The following RALYL variants were observed in gnomAD, a reference collection of about 807,000 sequenced individuals.
The protein encoded by RALYL is RALY RNA binding protein like.
RALYL carries 29 observed loss-of-function variants against 35.1 expected under a neutral mutation model. The observed-to-expected ratio is 0.83, with a 90% CI of 0.61 to 1.13. The LOEUF (loss-of-function observed/expected upper bound fraction) is 1.13, where lower values mean the gene tolerates loss of function less well. Ranked by LOEUF, RALYL falls within the 50% of genes most tolerant of loss-of-function variation. RALYL has a pLI of 0.00. For synonymous variants in RALYL, 120 were observed against 127.6 expected, an observed-to-expected ratio of 0.94 and a Z score of 0.40; for missense variants, 359 against 360.4, an observed-to-expected ratio of 1.00 and a Z score of 0.03.
At chr8:84,695,469 T>C (rs1016071215) in intron 2 of RALYL, among the ~76,000 whole-genome samples, 4 of 151,976 alleles carry the variant, frequency 2.6e-5, no homozygotes, top group African/African-American at 9.6e-5. Context: ...AGTGTCAGGG[T>C]ACTGGTTACA....
At chr8:84,393,034 A>G (rs1413362359) in intron 1 of RALYL, among the ~76,000 whole-genome samples, 3 of 152,098 alleles carry the variant, frequency 2.0e-5, no homozygotes, top group African/African-American at 7.2e-5. Flanking sequence ...AGGAAGTGTA[A>G]TTCATTATCC....
intron 1 of RALYL, among the ~76,000 whole-genome samples, chr8:84,402,451 G>A (rs2043008809): frequency 6.6e-6 from 1 of 151,964 alleles, no homozygotes; most frequent in Non-Finnish European, 1.5e-5. Flanking sequence ...TAGAAATAAA[G>A]GCAGCTTTCG....
chr8:84,721,432 A>G (rs539756938), intron 2 of RALYL, among the ~76,000 whole-genome samples: 6 of 152,244 alleles, frequency 3.9e-5, no homozygotes, highest in Admixed American at 3.9e-4. Context: ...CATATGCACA[A>G]TGTAATAGTT....
At position 84,877,344 on chromosome 8, in the gene RALYL, G is replaced by A. The variant is rs577281231; in HGVS notation, c.685+3947G>A. On this transcript the variant is annotated intron_variant, in intron 7 of 8. Transcript: ENST00000521268. Reference sequence around the variant, plus strand: ...TCTACGAAAAATACAAAAATTAGCCGGATGTGGTGGCACATGCCTGTAATC... The same window carrying A: ...TCTACGAAAAATACAAAAATTAGCCAGATGTGGTGGCACATGCCTGTAATC... Among the ~76,000 whole-genome samples the A allele has an allele frequency of 1.6e-4, 24 of 152,116 alleles. No homozygotes were observed. The East Asian group carries it at 3.1e-3, about 20-fold the overall frequency.
intron 1 of RALYL, among the ~76,000 whole-genome samples, chr8:84,469,036 T>C (rs2052243060): frequency 6.6e-6 from 1 of 151,988 alleles, no homozygotes; most frequent in South Asian, 2.1e-4. Flanking sequence ...ATTCTAGTTA[T>C]ACATTCTTCT....
At chr8:84,345,633 C>A (rs780674518) in intron 1 of RALYL, among the ~76,000 whole-genome samples, 8 of 152,058 alleles carry the variant, frequency 5.3e-5, no homozygotes, top group Non-Finnish European at 8.8e-5. Flanking sequence ...GACCCTCCAG[C>A]ATCTCCCTCT....
Position 84,244,892 on chromosome 8 carries a change from C to T in RALYL, c.-24+60468C>T, listed in dbSNP as rs200908675. Among the ~76,000 whole-genome samples, 5 of 152,202 alleles carry T rather than the reference C, an allele frequency of 3.3e-5. No individual in the cohort carries two copies. The East Asian group carries it at 5.8e-4, about 18-fold the overall frequency. ...TTTGCCAGATATGTAAACTATCATACATGCTGGCAGAAGACACAAGATTCC... is the reference window on the plus strand; with the variant it reads ...TTTGCCAGATATGTAAACTATCATATATGCTGGCAGAAGACACAAGATTCC... On this transcript the variant is annotated intron_variant, in intron 1 of 8. Coordinates refer to ENST00000521268, the MANE Select transcript of RALYL (RefSeq NM_173848.7).
At chr8:84,384,298 T>G (rs1858678011) in intron 1 of RALYL, among the ~76,000 whole-genome samples, 2 of 151,620 alleles carry the variant, frequency 1.3e-5, no homozygotes, top group South Asian at 4.2e-4. Flanking sequence ...CGAAAATCCT[T>G]TACAAATGCA....
intron 2 of RALYL, among the ~76,000 whole-genome samples, chr8:84,753,371 T>G (rs1810545625): frequency 6.6e-6 from 1 of 152,198 alleles, no homozygotes; most frequent in South Asian, 2.1e-4. Flanking sequence ...CTTTGGACCT[T>G]GGACTTTTGA....
intron 1 of RALYL, among the ~76,000 whole-genome samples, chr8:84,494,171 C>T (rs2134092978): frequency 6.6e-6 from 1 of 152,184 alleles, no homozygotes; most frequent in South Asian, 2.1e-4. Flanking sequence ...ATCCTTTCCC[C>T]ATTGCTTGTT....
chr8:84,244,648 GT>G (rs1828706142), intron 1 of RALYL, among the ~76,000 whole-genome samples: 1 of 152,064 alleles, frequency 6.6e-6, no homozygotes. Flanking sequence ...TGTCTTTGTT[GT>G]TAACCCAATT....
chr8:84,252,566 GA>G (rs1265105161), intron 1 of RALYL, among the ~76,000 whole-genome samples: 1 of 152,054 alleles, frequency 6.6e-6, no homozygotes, highest in Admixed American at 6.6e-5. Context: ...AGCTTGGATA[GA>G]AAAAAGAAAT....
chr8:84,633,749 G>A (rs1824434046), intron 2 of RALYL, among the ~76,000 whole-genome samples: 1 of 151,750 alleles, frequency 6.6e-6, no homozygotes, highest in Non-Finnish European at 1.5e-5. Flanking sequence ...TTCTAAATTA[G>A]GAAAAATGTG....
At chr8:84,294,335 T>G (rs1223729015) in intron 1 of RALYL, among the ~76,000 whole-genome samples, 4 of 152,116 alleles carry the variant, frequency 2.6e-5, no homozygotes, top group African/African-American at 9.7e-5. Context: ...AAAGTTATTT[T>G]TTTAAAAAGA....
intron 2 of RALYL, among the ~76,000 whole-genome samples, chr8:84,538,841 G>A (rs147442352): frequency 1.7e-3 from 252 of 152,196 alleles, no homozygotes; most frequent in African/African-American, 6.0e-3. Flanking sequence ...GGAAACTCAA[G>A]GCATTACGTA....
intron 1 of RALYL, among the ~76,000 whole-genome samples, chr8:84,380,556 C>A (rs577642681): frequency 6.6e-6 from 1 of 151,746 alleles, no homozygotes; most frequent in South Asian, 2.1e-4. Context: ...GAAAGAGAAA[C>A]GGGAAAGCTT....
chr8:84,391,716 C>T (rs1473280158), intron 1 of RALYL, among the ~76,000 whole-genome samples: 1 of 152,136 alleles, frequency 6.6e-6, no homozygotes, highest in Non-Finnish European at 1.5e-5. Context: ...AACTATTAGT[C>T]TTTACCCCCC....
intron 2 of RALYL, among the ~76,000 whole-genome samples, chr8:84,636,584 C>T (rs183182777): frequency 5.3e-4 from 81 of 151,876 alleles, no homozygotes; most frequent in Non-Finnish European, 9.9e-4. Context: ...CTATAATATA[C>T]TACCACAAGA....
chr8:84,291,141 G>T (rs1351328049), intron 1 of RALYL, among the ~76,000 whole-genome samples: 1 of 152,148 alleles, frequency 6.6e-6, no homozygotes, highest in African/African-American at 2.4e-5. Context: ...TGGAACATAG[G>T]CTTCATAAAA....
Sources: gnomAD v4.1 joint callset for allele counts (sites outside exome capture counted in the v4.1 genomes callset) on GRCh38, gnomAD v4.1.1 for gene constraint, MANE v1.5 for transcripts, NCBI Gene and HGNC (gene_info 2026-07-23, HGNC 2026-07-21) for gene names.